The following NEBL variants were observed in gnomAD, a reference collection of about 807,000 sequenced individuals.
NEBL encodes the protein LIM and SH3 protein 2.
In NEBL, 122 loss-of-function variants were observed where a neutral mutation model predicts 140.2. The ratio of observed to expected loss-of-function variants is 0.87; its 90% CI spans 0.75 to 1.01. NEBL has a LOEUF of 1.01. Ranked by LOEUF, NEBL falls within the 50% of genes least tolerant of loss-of-function variation. The pLI, the probability that NEBL is intolerant of heterozygous loss-of-function variation, is 0.00. For missense variants in NEBL, 1,365 were observed against 1,231.3 expected (o/e 1.11, Z -1.62); for synonymous variants, 436 against 398.9 (o/e 1.09, Z -1.11).
At chr10:21,110,825 T>C (rs1340962037) in intron 2 of NEBL, 27 of 608,412 alleles carry the variant, frequency 4.4e-5, no homozygotes, top group Middle Eastern at 4.9e-4. Context: ...AAGGATGAAT[T>C]GCACATTGTT....
intron 2 of NEBL, among the ~76,000 whole-genome samples, chr10:21,129,428 C>A (rs11012539): frequency 6.6e-6 from 1 of 151,752 alleles, no homozygotes; most frequent in Non-Finnish European, 1.5e-5. Flanking sequence ...TCTTAATTGA[C>A]CTTACAGAAT....
intron 2 of NEBL, among the ~76,000 whole-genome samples, chr10:21,129,553 G>A (rs1839003508): frequency 6.6e-6 from 1 of 151,990 alleles, no homozygotes; most frequent in South Asian, 2.1e-4. Flanking sequence ...ACTCATATAT[G>A]CTTTTGTATA....
intron 3 of NEBL, among the ~76,000 whole-genome samples, chr10:21,005,764 T>C (rs1205459758): frequency 6.6e-6 from 1 of 151,904 alleles, no homozygotes. Context: ...ATAAAATCAC[T>C]ATTTTATTTA....
intron 3 of NEBL, among the ~76,000 whole-genome samples, chr10:21,225,974 C>T (rs184776058): frequency 2.6e-5 from 4 of 152,190 alleles, no homozygotes; most frequent in East Asian, 1.9e-4. Flanking sequence ...GTAGCCACCA[C>T]GGCTGGGAAT....
At chr10:20,919,715 C>T (rs185885583) in intron 4 of NEBL, among the ~76,000 whole-genome samples, 3 of 152,128 alleles carry the variant, frequency 2.0e-5, no homozygotes, top group Non-Finnish European at 2.9e-5. Flanking sequence ...AATATGAAAC[C>T]GTGGAACAAA....
intron 2 of NEBL, among the ~76,000 whole-genome samples, chr10:21,169,057 A>AT (rs1840931356): frequency 9.2e-5 from 4 of 43,652 alleles, no homozygotes; most frequent in Non-Finnish European, 9.0e-5. Flanking sequence ...TACAAAAAAA[A>AT]AAAAAAAAAA....
chr10:21,040,860 C>T (rs899019510), intron 2 of NEBL, among the ~76,000 whole-genome samples: 8 of 152,270 alleles, frequency 5.3e-5, no homozygotes, highest in Admixed American at 2.0e-4. Flanking sequence ...GTAGCACCTT[C>T]CCCTTAGCCC....
chr10:21,226,989 C>T (rs766820929), intron 3 of NEBL, among the ~76,000 whole-genome samples: 1 of 152,140 alleles, frequency 6.6e-6, no homozygotes, highest in South Asian at 2.1e-4. Context: ...CATTTCCCCA[C>T]TTCAGAATAT....
intron 2 of NEBL, among the ~76,000 whole-genome samples, chr10:21,038,764 C>G (rs533352665): frequency 2.0e-5 from 3 of 152,192 alleles, no homozygotes; most frequent in Non-Finnish European, 4.4e-5. Context: ...ATTTCTGGCT[C>G]TAGATCCTTG....
intron 1 of NEBL, among the ~76,000 whole-genome samples, chr10:21,265,920 G>T (rs935180640): frequency 1.3e-5 from 2 of 152,186 alleles, no homozygotes; most frequent in African/African-American, 4.8e-5. Context: ...CCCTTGTGTA[G>T]AACACACCTT....
chr10:20,940,739 A>T (rs1384748813), intron 4 of NEBL, among the ~76,000 whole-genome samples: 1 of 151,410 alleles, frequency 6.6e-6, no homozygotes, highest in African/African-American at 2.4e-5. Flanking sequence ...CACAATAAAA[A>T]ATGATAAAGG....
At chr10:21,083,037 C>T (rs1836458909) in intron 2 of NEBL, among the ~76,000 whole-genome samples, 2 of 152,186 alleles carry the variant, frequency 1.3e-5, no homozygotes, top group African/African-American at 2.4e-5. Context: ...GCTGGGATTA[C>T]AGGCGTAAGC....
intron 26 of NEBL, among the ~76,000 whole-genome samples, chr10:20,807,201 C>G (rs543605974): frequency 6.6e-6 from 1 of 152,276 alleles, no homozygotes; most frequent in African/African-American, 2.4e-5. Context: ...TGGCACACAC[C>G]TGTAGACCCA....
intron 2 of NEBL, among the ~76,000 whole-genome samples, chr10:21,048,193 G>A (rs866361289): frequency 1.3e-5 from 2 of 152,138 alleles, no homozygotes; most frequent in Non-Finnish European, 2.9e-5. Flanking sequence ...CCCCTCGCAC[G>A]CTGTCCTCAA....
At chr10:20,956,800 GA>G (rs980227499) in intron 4 of NEBL, among the ~76,000 whole-genome samples, 1 of 151,816 alleles carries the variant, frequency 6.6e-6, no homozygotes, top group African/African-American at 2.4e-5. Flanking sequence ...AATATAAAAA[GA>G]AAAAAATCTC....
intron 1 of NEBL, among the ~76,000 whole-genome samples, chr10:21,258,371 C>T (rs1321852969): frequency 6.6e-6 from 1 of 152,174 alleles, no homozygotes; most frequent in African/African-American, 2.4e-5. Flanking sequence ...GAGTTCAAGA[C>T]CAGCCTGGCC....
intron 2 of NEBL, among the ~76,000 whole-genome samples, chr10:21,114,080 T>C (rs1352573781): frequency 6.6e-6 from 1 of 152,088 alleles, no homozygotes. Flanking sequence ...GCATTGTTTA[T>C]TGGTAACTCA....
chr10:21,037,363 C>T (rs1013122575), intron 2 of NEBL, among the ~76,000 whole-genome samples: 1 of 151,696 alleles, frequency 6.6e-6, no homozygotes, highest in Non-Finnish European at 1.5e-5. Flanking sequence ...GAAAACCATT[C>T]AAGAGGATAT....
chr10:21,246,212 A>T (rs966590990), intron 3 of NEBL, among the ~76,000 whole-genome samples: 6 of 152,184 alleles, frequency 3.9e-5, no homozygotes, highest in African/African-American at 1.4e-4. Context: ...CCAAGTGTTT[A>T]AAAAATATTT....
Sources: gnomAD v4.1 joint callset for allele counts (sites outside exome capture counted in the v4.1 genomes callset) on GRCh38, gnomAD v4.1.1 for gene constraint, MANE v1.5 for transcripts, NCBI Gene and HGNC (gene_info 2026-07-23, HGNC 2026-07-21) for gene names.